COG5: variants seen among roughly 807,000 people sequenced by gnomAD.
COG5 encodes component of oligomeric golgi complex 5.
A neutral mutation model predicts 110.4 loss-of-function variants in COG5; 86 were observed. The ratio of observed to expected loss-of-function variants is 0.78; its 90% CI spans 0.65 to 0.93. The LOEUF is 0.93. Among genes scored for constraint, COG5 ranks in the 40% least tolerant of loss-of-function variants. The pLI is 0.00. For missense variants in COG5, 1,077 were observed against 987.0 expected, an observed-to-expected ratio of 1.09 and a Z score of -1.22; for synonymous variants, 360 against 334.6, an observed-to-expected ratio of 1.08 and a Z score of -0.83.
At chr7:107,286,152 C>T (rs1805609966) in intron 12 of COG5, among the ~76,000 whole-genome samples, 1 of 152,054 alleles carries the variant, frequency 6.6e-6, no homozygotes, top group African/African-American at 2.4e-5. Flanking sequence ...GAAAGAACAG[C>T]AAGTACAAAG....
intron 17 of COG5, among the ~76,000 whole-genome samples, chr7:107,241,643 G>A (rs201158490): frequency 2.4e-4 from 37 of 151,796 alleles, no homozygotes; most frequent in African/African-American, 8.4e-4. Flanking sequence ...TAGTAGAGAC[G>A]GGGTTTCACC....
chr7:107,560,042 T>C (rs2129180876), intron 1 of COG5, among the ~76,000 whole-genome samples: 1 of 152,328 alleles, frequency 6.6e-6, no homozygotes, highest in Non-Finnish European at 1.5e-5. Flanking sequence ...GGCAGCTGTA[T>C]AGAGGATGAT....
At chr7:107,306,564 G>A (rs1237138563) in intron 11 of COG5, among the ~76,000 whole-genome samples, 1 of 152,068 alleles carries the variant, frequency 6.6e-6, no homozygotes, top group African/African-American at 2.4e-5. Flanking sequence ...TCTGTCTATA[G>A]CCCTAAGAGA....
chr7:107,559,711 T>C (rs1229389123), intron 1 of COG5, among the ~76,000 whole-genome samples: 1 of 152,200 alleles, frequency 6.6e-6, no homozygotes, highest in Non-Finnish European at 1.5e-5. Flanking sequence ...AGAACCACAT[T>C]TCCTTCTGAT....
At chr7:107,281,777 A>C (rs1180195660) in intron 13 of COG5, among the ~76,000 whole-genome samples, 1 of 152,206 alleles carries the variant, frequency 6.6e-6, no homozygotes, top group Non-Finnish European at 1.5e-5. Context: ...GGAAATGATG[A>C]CCTTAAAGGG....
At chr7:107,544,922 T>A (rs189065551) in intron 5 of COG5, among the ~76,000 whole-genome samples, 8 of 151,528 alleles carry the variant, frequency 5.3e-5, no homozygotes, top group Admixed American at 3.3e-4. Flanking sequence ...AAATGAGAAG[T>A]TCAACAAAGA....
At chr7:107,331,526 G>A (rs897794422) in intron 10 of COG5, among the ~76,000 whole-genome samples, 10 of 151,970 alleles carry the variant, frequency 6.6e-5, no homozygotes, top group Non-Finnish European at 1.3e-4. Context: ...TAGTGTGCGG[G>A]GTGTTATCAA....
intron 7 of COG5, among the ~76,000 whole-genome samples, chr7:107,395,420 G>A (rs1036410304): frequency 3.3e-5 from 5 of 151,146 alleles, no homozygotes; most frequent in Non-Finnish European, 7.4e-5. Flanking sequence ...GTCAACTCAA[G>A]CAAAAATTCA....
chr7:107,489,917 TCA>T (rs938070843), intron 6 of COG5, among the ~76,000 whole-genome samples: 22 of 152,130 alleles, frequency 1.4e-4, no homozygotes, highest in African/African-American at 5.1e-4. Flanking sequence ...AGCATCTACC[TCA>T]CAGAGTTGGG....
chr7:107,442,143 C>A (rs547554340), intron 6 of COG5, among the ~76,000 whole-genome samples: 2 of 151,578 alleles, frequency 1.3e-5, no homozygotes, highest in African/African-American at 4.9e-5. Context: ...TGGCAGACAT[C>A]CCCCCCTGTT....
intron 6 of COG5, among the ~76,000 whole-genome samples, chr7:107,512,921 T>C (rs1258616273): frequency 6.6e-6 from 1 of 152,020 alleles, no homozygotes; most frequent in Admixed American, 6.5e-5. Flanking sequence ...GACTTACATG[T>C]TAGACCTAAA....
chr7:107,337,648 G>A (rs888252505), intron 10 of COG5, among the ~76,000 whole-genome samples: 1 of 152,036 alleles, frequency 6.6e-6, no homozygotes, highest in South Asian at 2.1e-4. Flanking sequence ...GCTGGGAAGG[G>A]GTGTGTGTTT....
chr7:107,210,749 G>T, intron 20 of COG5, 144 bp from the exon 21 acceptor site: 1 of 951,490 alleles, frequency 1.1e-6, no homozygotes, highest in Non-Finnish European at 1.6e-6. Context: ...AGGGGGCATA[G>T]GCCTTGGTGC....
At chr7:107,376,645 A>G (rs1202736953) in intron 7 of COG5, among the ~76,000 whole-genome samples, 1 of 151,838 alleles carries the variant, frequency 6.6e-6, no homozygotes, top group African/African-American at 2.4e-5. Flanking sequence ...ATTCTCCTCT[A>G]TCTCATTGCT....
chr7:107,207,749 C>T, intron 21 of COG5: 1 of 984,442 alleles, frequency 1.0e-6, no homozygotes, highest in South Asian at 4.7e-5. Context: ...CCACTTGGTC[C>T]CATGAGTAAG....
chr7:107,510,986 T>C (rs1408314177), intron 6 of COG5, among the ~76,000 whole-genome samples: 2 of 151,700 alleles, frequency 1.3e-5, no homozygotes, highest in Non-Finnish European at 2.9e-5. Flanking sequence ...TTAAAAGAAC[T>C]AGAAAAGCAA....
At chr7:107,370,269 C>T (rs1288899717) in intron 8 of COG5, among the ~76,000 whole-genome samples, 1 of 151,950 alleles carries the variant, frequency 6.6e-6, no homozygotes, top group Non-Finnish European at 1.5e-5. Flanking sequence ...TGACAGAATC[C>T]TATTATTTTT....
In COG5 at chr7:107,203,513, TCATTACTGAAGAGCAGA is replaced by T. The variant is rs1343382661; in HGVS notation, c.2476_*2del. ...AGTGGAGATGAACAAAGATTTCATG[TCATTACTGAAGAGCAGA>T]CATAGCCTTTTGAAGCAGCTGAACC... On this transcript the variant is annotated stop_lost and 3_prime_UTR_variant, in exon 22 of 22. Transcript: ENST00000297135. The T allele has an allele frequency of 6.2e-7, 1 of 1,601,328 alleles. No individual in the cohort carries two copies. Among genetic ancestry groups the T allele is most frequent in the Non-Finnish European group, 8.6e-7 (1 of 1,168,332 alleles).
rs546874594 is a variant in COG5 at position 107,219,767 on chromosome 7, A to T, written c.2169-8542T>A. 7.2e-5 allele frequency among the ~76,000 whole-genome samples: 11 copies of T among 152,330 alleles called. 1 individual carries two copies. The South Asian group carries it at 1.9e-3, about 26-fold the overall frequency. On this transcript the variant is annotated intron_variant, in intron 19 of 21. Coordinates refer to ENST00000297135, the MANE Select transcript of COG5 (RefSeq NM_006348.5). The stretch of plus-strand genomic sequence containing the variant: ...TGGTTTTTGAAATCTATTGCACAAC[A>T]TGACGACTATAGTTGGTAGGAATGC...
Sources: gnomAD v4.1 joint callset for allele counts (sites outside exome capture counted in the v4.1 genomes callset) on GRCh38, gnomAD v4.1.1 for gene constraint, MANE v1.5 for transcripts, NCBI Gene and HGNC (gene_info 2026-07-23, HGNC 2026-07-21) for gene names.